The following SBF2 variants were observed in gnomAD, a reference collection of about 807,000 sequenced individuals.
The protein encoded by SBF2 is SET binding factor 2.
In SBF2, 112 loss-of-function variants were observed where a neutral mutation model predicts 225.2. That is an observed-to-expected ratio of 0.50 (90% CI 0.43 to 0.58). The LOEUF is 0.58. SBF2 is among the 20% of genes least tolerant of loss of function. The probability of loss-of-function intolerance (pLI) is 0.00; values close to 1 mark genes in which losing one functional copy is unlikely to be tolerated. For missense variants in SBF2, 1,996 were observed against 2,206.2 expected, an observed-to-expected ratio of 0.90 and a Z score of 1.91; for synonymous variants, 763 against 773.3, an observed-to-expected ratio of 0.99 and a Z score of 0.22.
chr11:10,245,561 G>C (rs1056681194), intron 1 of SBF2, among the ~76,000 whole-genome samples: 3 of 152,108 alleles, frequency 2.0e-5, no homozygotes, highest in Non-Finnish European at 4.4e-5. Flanking sequence ...CTATAAATTG[G>C]TGCAGCCACT....
chr11:10,109,209 A>G (rs1185364229), intron 2 of SBF2, among the ~76,000 whole-genome samples: 1 of 150,402 alleles, frequency 6.6e-6, no homozygotes, highest in Non-Finnish European at 1.5e-5. Flanking sequence ...ATATGCAAAT[A>G]GCTCTAGATT....
intron 2 of SBF2, among the ~76,000 whole-genome samples, chr11:10,143,599 A>G (rs1565280174): frequency 6.6e-6 from 1 of 152,238 alleles, no homozygotes; most frequent in Non-Finnish European, 1.5e-5. Context: ...CTGGGTTCAT[A>G]AATTGGTAGA....
At chr11:9,874,134 G>A (rs932105086) in intron 17 of SBF2, among the ~76,000 whole-genome samples, 3 of 151,994 alleles carry the variant, frequency 2.0e-5, no homozygotes, top group African/African-American at 2.4e-5. Flanking sequence ...AAATCTGCAT[G>A]ATATTATTAC....
chr11:10,158,389 C>A (rs1024899406), intron 2 of SBF2, among the ~76,000 whole-genome samples: 6 of 151,818 alleles, frequency 4.0e-5, no homozygotes, highest in Admixed American at 3.9e-4. Context: ...ATCAACAAAA[C>A]TAAGAGGTGG....
At chr11:10,047,741 C>A (rs1055628494) in intron 2 of SBF2, among the ~76,000 whole-genome samples, 6 of 152,122 alleles carry the variant, frequency 3.9e-5, no homozygotes, top group African/African-American at 1.4e-4. Flanking sequence ...GGATGTTAAT[C>A]ATGTTCACAG....
At chr11:10,278,788 T>TAA (rs11370521) in intron 1 of SBF2, among the ~76,000 whole-genome samples, 2,040 of 124,990 alleles carry the variant, frequency 0.016, 47 homozygotes, top group African/African-American at 0.057. Flanking sequence ...TCCATCTCAA[T>TAA]AAAAAAAAAA....
intron 2 of SBF2, among the ~76,000 whole-genome samples, chr11:10,111,430 AT>A (rs1952837181): frequency 6.6e-6 from 1 of 152,250 alleles, no homozygotes; most frequent in African/African-American, 2.4e-5. Context: ...ACAGTATTTC[AT>A]TTCCAATACT....
intron 2 of SBF2, among the ~76,000 whole-genome samples, chr11:10,046,549 G>T (rs1949867661): frequency 1.3e-5 from 2 of 151,712 alleles, no homozygotes; most frequent in Admixed American, 6.6e-5. Context: ...AAATGCATTT[G>T]ACAAAATCCA....
chr11:9,920,730 C>T (rs1863551026), intron 16 of SBF2, among the ~76,000 whole-genome samples: 1 of 152,148 alleles, frequency 6.6e-6, no homozygotes, highest in Admixed American at 6.5e-5. Flanking sequence ...TTTCCCGAAA[C>T]AAAAGTGAGT....
chr11:10,064,138 A>AT (rs1950553055), intron 2 of SBF2, among the ~76,000 whole-genome samples: 1 of 152,158 alleles, frequency 6.6e-6, no homozygotes, highest in Non-Finnish European at 1.5e-5. Context: ...ACACTGCAGC[A>AT]TGGGGTTTAT....
intron 38 of SBF2, chr11:9,783,122 G>C (rs1852141561): frequency 6.6e-6 from 1 of 152,060 alleles, no homozygotes; most frequent in African/African-American, 2.4e-5. Context: ...AAGAATGCAA[G>C]TGTAATTTGA....
At chr11:10,032,410 T>C (rs1949294800) in intron 3 of SBF2, among the ~76,000 whole-genome samples, 1 of 152,172 alleles carries the variant, frequency 6.6e-6, no homozygotes, top group South Asian at 2.1e-4. Flanking sequence ...CCCACTTTGC[T>C]TCCTTGCTGC....
At chr11:10,213,318 G>T (rs1231181159) in intron 1 of SBF2, among the ~76,000 whole-genome samples, 1 of 152,090 alleles carries the variant, frequency 6.6e-6, no homozygotes, top group Non-Finnish European at 1.5e-5. Flanking sequence ...CCCAAGTTTG[G>T]CATCTCAACT....
intron 1 of SBF2, among the ~76,000 whole-genome samples, chr11:10,299,911 CATAA>C (rs1400403811): frequency 6.6e-6 from 1 of 152,152 alleles, no homozygotes. Context: ...TCCATGTCAC[CATAA>C]ATAAAGTGCA....
chr11:10,142,137 G>C (rs530380351), intron 2 of SBF2, among the ~76,000 whole-genome samples: 93 of 152,110 alleles, frequency 6.1e-4, no homozygotes, highest in Non-Finnish European at 1.1e-3. Flanking sequence ...TACCACTTCT[G>C]AATGCTTTAG....
intron 1 of SBF2, among the ~76,000 whole-genome samples, chr11:10,219,593 T>C (rs1958265788): frequency 6.6e-6 from 1 of 152,246 alleles, no homozygotes; most frequent in Non-Finnish European, 1.5e-5. Context: ...TTTTCTTTTC[T>C]ATTGCATTGT....
chr11:9,883,660 C>T (rs1025562123), intron 17 of SBF2, among the ~76,000 whole-genome samples: 4 of 152,210 alleles, frequency 2.6e-5, no homozygotes, highest in African/African-American at 9.6e-5. Flanking sequence ...ATCACAAGTT[C>T]CTCAAAGGCA....
At position 9,858,274 on chromosome 11, in the gene SBF2, AAGGG is replaced by A; in HGVS notation, c.2048_2051del (p.Ser683PhefsTer14). ...GATTGTCTTCCTTGGCTGAGAGATA[AAGGG>A]AGCGAACCTGTTCCTGCACTGCATT... On this transcript the variant is annotated frameshift_variant, in exon 18 of 40. Transcript: ENST00000256190. LOFTEE classifies it high-confidence loss of function. 1 of 1,614,186 alleles carries A rather than the reference AAGGG, an allele frequency of 6.2e-7. No individual in the cohort carries two copies. The highest frequency in any genetic ancestry group is 8.5e-7 in the Non-Finnish European group (1 of 1,180,024).
chr11:10,257,254 C>G (rs1395040117), intron 1 of SBF2, among the ~76,000 whole-genome samples: 1 of 152,162 alleles, frequency 6.6e-6, no homozygotes, highest in Non-Finnish European at 1.5e-5. Context: ...ATAGCATTGA[C>G]TAATCCTACC....
Sources: allele counts gnomAD v4.1 joint callset (sites outside exome capture counted in the v4.1 genomes callset), GRCh38; gene constraint gnomAD v4.1.1; transcripts MANE v1.5; gene names NCBI Gene and HGNC (gene_info 2026-07-23, HGNC 2026-07-21).